RTL4: variants seen among roughly 807,000 people sequenced by gnomAD.
RTL4 encodes retrotransposon Gag like 4, also known as retrotransposon Gag-like protein 4.
RTL4 carries 4 observed loss-of-function variants against 5.3 expected under a neutral mutation model. The observed-to-expected ratio is 0.75, with a 90% CI of 0.37 to 1.72. The LOEUF (loss-of-function observed/expected upper bound fraction) is 1.72, where lower values mean the gene tolerates loss of function less well. RTL4 is among the 40% of genes most tolerant of loss of function. RTL4 has a pLI of 0.04. For synonymous variants in RTL4, 98 were observed against 87.3 expected (o/e 1.12, Z -0.68); for missense variants, 260 against 227.1 (o/e 1.14, Z -0.93).
At chrX:112,146,951 T>C in the RTL4 span, among the ~76,000 whole-genome samples, 1 of 103,858 alleles carries the variant, frequency 9.6e-6, no homozygotes, top group African/African-American at 3.5e-5. Flanking sequence ...GTGCTAAGTG[T>C]TTGCCTGCAT....
chrX:112,341,129 G>GA, the RTL4 span, among the ~76,000 whole-genome samples: 1 of 97,740 alleles, frequency 1.0e-5, no homozygotes, highest in Non-Finnish European at 2.1e-5. Flanking sequence ...TTAGAGGACA[G>GA]AAAAAAATGA....
At chrX:112,246,728 A>G in the RTL4 span, among the ~76,000 whole-genome samples, 3 of 111,404 alleles carry the variant, frequency 2.7e-5, no homozygotes, top group Non-Finnish European at 5.7e-5. Context: ...GGCTGCATCC[A>G]GTGTCCAACC....
At chrX:112,450,147 A>G (rs1250596458), upstream of RTL4, among the ~76,000 whole-genome samples, 1 of 112,162 alleles carries the variant, frequency 8.9e-6, no homozygotes, top group East Asian at 2.8e-4. Flanking sequence ...GTAAAGTCAA[A>G]AAGCTCTCTT....
chrX:112,135,443 T>G, the RTL4 span, among the ~76,000 whole-genome samples: 356 of 111,647 alleles, frequency 3.2e-3, no homozygotes, highest in African/African-American at 0.011. Flanking sequence ...ATTTATTAGA[T>G]ATACTTCGCA....
the RTL4 span, among the ~76,000 whole-genome samples, chrX:112,250,341 GT>G: frequency 9.0e-6 from 1 of 111,506 alleles, no homozygotes; most frequent in African/African-American, 3.3e-5. Context: ...TTGTTTCTTA[GT>G]TTTTTGTTTT....
At chrX:112,233,724 T>C in the RTL4 span, among the ~76,000 whole-genome samples, 3 of 111,421 alleles carry the variant, frequency 2.7e-5, no homozygotes, top group African/African-American at 9.8e-5. Context: ...GTGTTTGTTA[T>C]GCTTTGTCCA....
chrX:112,084,533 G>T, the RTL4 span, among the ~76,000 whole-genome samples: 1 of 110,350 alleles, frequency 9.1e-6, no homozygotes. Flanking sequence ...TTGATTCTTT[G>T]CCTTTCATTC....
the RTL4 span, among the ~76,000 whole-genome samples, chrX:112,345,768 C>T: frequency 4.5e-5 from 5 of 111,425 alleles, no homozygotes; most frequent in African/African-American, 1.6e-4. Flanking sequence ...CCCCAATGGG[C>T]CTCTTGTCAG....
chrX:112,205,567 G>A, the RTL4 span, among the ~76,000 whole-genome samples: 1 of 110,813 alleles, frequency 9.0e-6, no homozygotes, highest in African/African-American at 3.3e-5. Flanking sequence ...CAGTGTGCCT[G>A]GATTTTAGAG....
the RTL4 span, among the ~76,000 whole-genome samples, chrX:112,323,340 T>C: frequency 1.8e-5 from 2 of 111,985 alleles, no homozygotes; most frequent in Admixed American, 1.9e-4. Context: ...GAATTGTTTG[T>C]CAATTTTCTT....
the RTL4 span, among the ~76,000 whole-genome samples, chrX:112,271,904 T>C: frequency 8.9e-6 from 1 of 111,905 alleles, no homozygotes. Flanking sequence ...CCAATTATAC[T>C]CTTTTAGTTA....
At chrX:112,418,017 A>G in the RTL4 span, among the ~76,000 whole-genome samples, 2 of 110,703 alleles carry the variant, frequency 1.8e-5, no homozygotes, top group Non-Finnish European at 3.8e-5. Flanking sequence ...GCGTGGTGGC[A>G]TGTGCGTGTA....
chrX:112,240,421 G>A, the RTL4 span, among the ~76,000 whole-genome samples: 1 of 111,951 alleles, frequency 8.9e-6, no homozygotes, highest in Non-Finnish European at 1.9e-5. Flanking sequence ...AAATAGCAAG[G>A]CATCATAGCT....
the RTL4 span, among the ~76,000 whole-genome samples, chrX:112,329,973 A>C: frequency 9.3e-6 from 1 of 107,627 alleles, no homozygotes; most frequent in Non-Finnish European, 1.9e-5. Flanking sequence ...TTCATGCTAA[A>C]AACTCTCAAT....
the RTL4 span, among the ~76,000 whole-genome samples, chrX:112,275,809 C>A: frequency 9.0e-6 from 1 of 111,090 alleles, no homozygotes; most frequent in East Asian, 2.8e-4. Flanking sequence ...GTGGTATGAA[C>A]TTGTGGTCCT....
chrX:112,126,469 A>G, the RTL4 span, among the ~76,000 whole-genome samples: 2 of 112,256 alleles, frequency 1.8e-5, no homozygotes, highest in South Asian at 7.3e-4. Flanking sequence ...CGCATTATAA[A>G]AGACAGATCT....
At chrX:112,391,782 T>C in the RTL4 span, among the ~76,000 whole-genome samples, 1 of 111,203 alleles carries the variant, frequency 9.0e-6, no homozygotes, top group African/African-American at 3.3e-5. Context: ...TTGGCACTCC[T>C]GGGCTGCCCA....
At chrX:112,109,627 T>C in the RTL4 span, among the ~76,000 whole-genome samples, 1 of 111,844 alleles carries the variant, frequency 8.9e-6, no homozygotes, top group Non-Finnish European at 1.9e-5. Flanking sequence ...TACAGAGGGC[T>C]GGTTGGTGCA....
the RTL4 span, among the ~76,000 whole-genome samples, chrX:112,269,341 T>C: frequency 9.0e-6 from 1 of 111,685 alleles, no homozygotes; most frequent in African/African-American, 3.3e-5. Context: ...TCAACTTTTC[T>C]AAACTTTTGT....
Sources: gnomAD v4.1 joint callset for allele counts (sites outside exome capture counted in the v4.1 genomes callset) on GRCh38, gnomAD v4.1.1 for gene constraint, MANE v1.5 for transcripts, NCBI Gene and HGNC (gene_info 2026-07-23, HGNC 2026-07-21) for gene names.